Variants in ENTREP2 observed in about 807,000 individuals in gnomAD.
The protein encoded by ENTREP2 is protein ENTREP2.
the ENTREP2 span, among the ~76,000 whole-genome samples, chr15:29,139,795 C>T: frequency 6.6e-6 from 1 of 152,194 alleles, no homozygotes; most frequent in African/African-American, 2.4e-5. Flanking sequence ...GCCTCCCCAG[C>T]GAGAATCCTG....
the ENTREP2 span, among the ~76,000 whole-genome samples, chr15:29,466,748 G>A: frequency 7.9e-6 from 1 of 127,030 alleles, no homozygotes; most frequent in Non-Finnish European, 1.6e-5. Flanking sequence ...CCCCAGGGGA[G>A]GGCCCAGGAG....
At chr15:29,235,621 A>C in the ENTREP2 span, among the ~76,000 whole-genome samples, 1 of 152,224 alleles carries the variant, frequency 6.6e-6, no homozygotes, top group African/African-American at 2.4e-5. Context: ...TTACATAAGA[A>C]ACAAGGAAAG....
At chr15:29,625,434 C>A in the ENTREP2 span, among the ~76,000 whole-genome samples, 8 of 152,272 alleles carry the variant, frequency 5.3e-5, no homozygotes, top group East Asian at 1.4e-3. Flanking sequence ...CTGGCTCTGT[C>A]GCTCAGGCTG....
chr15:29,222,752 C>T, the ENTREP2 span, among the ~76,000 whole-genome samples: 1 of 152,192 alleles, frequency 6.6e-6, no homozygotes, highest in African/African-American at 2.4e-5. Context: ...TGCAGGGCCA[C>T]CAGCTCCCTC....
the ENTREP2 span, among the ~76,000 whole-genome samples, chr15:29,286,720 C>G: frequency 2.6e-5 from 4 of 152,356 alleles, no homozygotes; most frequent in African/African-American, 2.4e-5. Flanking sequence ...AAAGGCTCAG[C>G]AGCCAGCATC....
chr15:29,631,346 T>G, the ENTREP2 span, among the ~76,000 whole-genome samples: 1 of 152,172 alleles, frequency 6.6e-6, no homozygotes, highest in Non-Finnish European at 1.5e-5. Flanking sequence ...CTTGGAGACT[T>G]TGGGTACTAT....
chr15:29,130,861 G>A, the ENTREP2 span, among the ~76,000 whole-genome samples: 4 of 152,150 alleles, frequency 2.6e-5, no homozygotes, highest in African/African-American at 9.7e-5. Context: ...AAAAGGGTGG[G>A]GAAGAAATAT....
the ENTREP2 span, among the ~76,000 whole-genome samples, chr15:29,421,056 A>AGCT: frequency 6.6e-6 from 1 of 152,262 alleles, no homozygotes; most frequent in Non-Finnish European, 1.5e-5. Flanking sequence ...CCGGGCTGAC[A>AGCT]GCTGTGTACA....
At chr15:29,137,545 G>A in the ENTREP2 span, among the ~76,000 whole-genome samples, 4 of 152,112 alleles carry the variant, frequency 2.6e-5, no homozygotes, top group East Asian at 3.9e-4. Flanking sequence ...GGTTTAAGAC[G>A]GCACTTCGGC....
the ENTREP2 span, among the ~76,000 whole-genome samples, chr15:29,668,759 T>C: frequency 6.6e-6 from 1 of 152,162 alleles, no homozygotes; most frequent in Non-Finnish European, 1.5e-5. Flanking sequence ...CCCTTATCTG[T>C]CTAAAGTCTG....
At chr15:29,387,062 T>C in the ENTREP2 span, among the ~76,000 whole-genome samples, 19,868 of 152,146 alleles carry the variant, frequency 0.13, 2,200 homozygotes, top group African/African-American at 0.3. Flanking sequence ...AGAGAGGGCA[T>C]CCCTGTCTTG....
At chr15:29,289,555 T>C in the ENTREP2 span, among the ~76,000 whole-genome samples, 15 of 152,026 alleles carry the variant, frequency 9.9e-5, no homozygotes, top group Non-Finnish European at 1.5e-5. Flanking sequence ...ACAAAAAGAT[T>C]TGATATGAGG....
the ENTREP2 span, among the ~76,000 whole-genome samples, chr15:29,335,245 T>C: frequency 1.3e-5 from 2 of 152,350 alleles, no homozygotes; most frequent in South Asian, 4.1e-4. Context: ...CTTTCCAGAC[T>C]CGAACAGTTA....
chr15:29,658,042 G>A, the ENTREP2 span, among the ~76,000 whole-genome samples: 1 of 152,102 alleles, frequency 6.6e-6, no homozygotes, highest in African/African-American at 2.4e-5. Flanking sequence ...AACAAATCAG[G>A]AGTTGCCAAT....
At chr15:29,521,757 C>T in the ENTREP2 span, among the ~76,000 whole-genome samples, 1 of 152,144 alleles carries the variant, frequency 6.6e-6, no homozygotes, top group South Asian at 2.1e-4. Context: ...GTGGCACTGA[C>T]CACACTGTCC....
At chr15:29,395,060 T>C in the ENTREP2 span, among the ~76,000 whole-genome samples, 1 of 111,266 alleles carries the variant, frequency 9.0e-6, no homozygotes, top group East Asian at 2.9e-4. Flanking sequence ...CTACTTTTTT[T>C]TGTATTTTTA....
chr15:29,237,945 A>C, the ENTREP2 span, among the ~76,000 whole-genome samples: 2 of 152,226 alleles, frequency 1.3e-5, no homozygotes, highest in African/African-American at 4.8e-5. Context: ...AGGTGGAAAC[A>C]ACCCAAATGT....
chr15:29,343,887 TG>T, the ENTREP2 span, among the ~76,000 whole-genome samples: 1 of 152,230 alleles, frequency 6.6e-6, no homozygotes, highest in Non-Finnish European at 1.5e-5. Flanking sequence ...AAAGGTTATT[TG>T]TTTTATAGAA....
At chr15:29,352,037 C>T in the ENTREP2 span, among the ~76,000 whole-genome samples, 2 of 152,268 alleles carry the variant, frequency 1.3e-5, no homozygotes, top group African/African-American at 4.8e-5. Context: ...TGGACTCAAG[C>T]GATCCTCCCA....
Sources: gnomAD v4.1 joint callset for allele counts (sites outside exome capture counted in the v4.1 genomes callset) on GRCh38, gnomAD v4.1.1 for gene constraint, MANE v1.5 for transcripts, NCBI Gene and HGNC (gene_info 2026-07-23, HGNC 2026-07-21) for gene names.